Variants in HOXD11 observed in about 807,000 individuals in gnomAD.
HOXD11 encodes homeobox D11, also known as homeobox protein Hox-D11.
A neutral mutation model predicts 23.1 loss-of-function variants in HOXD11; 16 were observed. The observed-to-expected ratio is 0.69, with a 90% CI of 0.47 to 1.05. HOXD11 has a LOEUF of 1.05. Among genes scored for constraint, HOXD11 ranks in the 50% least tolerant of loss-of-function variants. The pLI is 0.00. For synonymous variants in HOXD11, 262 were observed against 224.4 expected, an observed-to-expected ratio of 1.17 and a Z score of -1.50; for missense variants, 564 against 495.6, an observed-to-expected ratio of 1.14 and a Z score of -1.31.
Position 176,108,075 on chromosome 2 carries a change from C to A in HOXD11, c.720C>A (p.Gly240=). 6.8e-7 allele frequency: 1 copy of A among 1,463,646 alleles called. No homozygotes were observed. Among genetic ancestry groups the A allele is most frequent in the Non-Finnish European group, 9.0e-7 (1 of 1,112,876 alleles). 90.7% of individuals were successfully genotyped at this position (1,463,646 alleles called of 1,614,324 possible). ...CGGAGCCCAAGGGGGCAGCAGAAGGCAGCGGTGGCGACGGCGAGGGCCCCC... is the reference window on the plus strand; with the variant it reads ...CGGAGCCCAAGGGGGCAGCAGAAGGAAGCGGTGGCGACGGCGAGGGCCCCC... ...PGSEPKGAAE[G]SGGDGEGPPG... Residue 240 remains glycine, a synonymous_variant, in exon 1 of 2, where the codon GGC becomes GGA. Coordinates refer to ENST00000249504, the MANE Select transcript of HOXD11 (RefSeq NM_021192.3).
chr2:176,113,321 A>C (rs886547239), downstream of HOXD11, among the ~76,000 whole-genome samples: 2 of 152,224 alleles, frequency 1.3e-5, no homozygotes, highest in Non-Finnish European at 2.9e-5. Context: ...AAGAGTGCAG[A>C]TGCAAGCCAC....
Position 176,109,445 on chromosome 2 carries a change from G to A in HOXD11, c.*303G>A, listed in dbSNP as rs1689645386. On this transcript the variant is annotated 3_prime_UTR_variant, in exon 2 of 2. Coordinates refer to ENST00000249504, the MANE Select transcript of HOXD11 (RefSeq NM_021192.3). ...TCCGAGTCCTCGTGGGGACACGGCGGGGTCTGTAGGAAGTTGGGCCGGGTT... is the reference window on the plus strand; with the variant it reads ...TCCGAGTCCTCGTGGGGACACGGCGAGGTCTGTAGGAAGTTGGGCCGGGTT... The A allele has an allele frequency of 3.1e-5, 11 of 353,872 alleles. No individual in the cohort carries two copies. The highest frequency in any genetic ancestry group is 5.7e-5 in the Non-Finnish European group (11 of 193,336). The allele number at this position is 353,872 out of a possible 1,614,324, so 21.9% of individuals were successfully genotyped here.
intron 1 of HOXD11, chr2:176,108,677 GT>G: frequency 3.5e-6 from 2 of 568,470 alleles, no homozygotes; most frequent in Non-Finnish European, 3.1e-6. Flanking sequence ...GTGTGTGTGT[GT>G]GTGTGTGTGT....
downstream of HOXD11, among the ~76,000 whole-genome samples, chr2:176,114,689 TG>T (rs529938931): frequency 3.9e-4 from 60 of 152,184 alleles, no homozygotes; most frequent in Admixed American, 2.6e-3. Flanking sequence ...GAAAGGTTTT[TG>T]TAAAGGAGCG....
At chr2:176,111,777 G>A (rs1266559363), downstream of HOXD11, among the ~76,000 whole-genome samples, 2 of 133,538 alleles carry the variant, frequency 1.5e-5, no homozygotes, top group African/African-American at 5.9e-5. Context: ...AGTGTGGAGA[G>A]CCTTGTCTAG....
In HOXD11 at chr2:176,109,418, T is replaced by C; in HGVS notation, c.*276T>C. On this transcript the variant is annotated 3_prime_UTR_variant, in exon 2 of 2. Coordinates refer to ENST00000249504, the MANE Select transcript of HOXD11 (RefSeq NM_021192.3). ...AGTGTGCTGTCGTTCCCCCTCCCCCTCTCCGAGTCCTCGTGGGGACACGGC... is the reference window on the plus strand; with the variant it reads ...AGTGTGCTGTCGTTCCCCCTCCCCCCCTCCGAGTCCTCGTGGGGACACGGC... 1 of 385,354 alleles carries C rather than the reference T, an allele frequency of 2.6e-6. No individual in the cohort carries two copies. Among genetic ancestry groups the C allele is most frequent in the Non-Finnish European group, 4.7e-6 (1 of 211,654 alleles). The allele number at this position is 385,354 out of a possible 1,614,324, so 23.9% of individuals were successfully genotyped here.
downstream of HOXD11, among the ~76,000 whole-genome samples, chr2:176,111,826 C>CAAAAAAAAAAAAAA (rs1176283938): frequency 0.012 from 268 of 22,750 alleles, 57 homozygotes; most frequent in African/African-American, 0.023. Flanking sequence ...CTCCCCCCCG[C>CAAAAAAAAAAAAAA]AAAAAAAAAA....
the HOXD11 span, among the ~76,000 whole-genome samples, chr2:176,115,430 A>G: frequency 6.6e-6 from 1 of 152,276 alleles, no homozygotes; most frequent in South Asian, 2.1e-4. Context: ...AATCAATAGT[A>G]TAATTTTCAA....
chr2:176,108,733 TCCTGTGC>T, intron 1 of HOXD11, 167 bp from the exon 2 acceptor site: 1 of 600,404 alleles, frequency 1.7e-6, no homozygotes, highest in Non-Finnish European at 2.9e-6. Flanking sequence ...CCGCACTCTC[TCCTGTGC>T]CCGCCCATAT....
downstream of HOXD11, among the ~76,000 whole-genome samples, chr2:176,112,176 T>C (rs2105390666): frequency 6.6e-6 from 1 of 152,288 alleles, no homozygotes; most frequent in South Asian, 2.1e-4. Flanking sequence ...CAAACGGGCT[T>C]TGCGTTTGAC....
chr2:176,110,308 A>G (rs937939659), downstream of HOXD11, among the ~76,000 whole-genome samples: 1 of 152,250 alleles, frequency 6.6e-6, no homozygotes, highest in Non-Finnish European at 1.5e-5. Context: ...CTGTCTAGAC[A>G]ACACCATAAA....
downstream of HOXD11, among the ~76,000 whole-genome samples, chr2:176,112,964 A>G (rs979956071): frequency 2.6e-5 from 4 of 152,202 alleles, no homozygotes; most frequent in Non-Finnish European, 4.4e-5. Flanking sequence ...TAAGGCGCCA[A>G]GGTCTCAGAC....
Position 176,107,957 on chromosome 2 carries a change from C to A in HOXD11, c.602C>A (p.Pro201Gln), listed in dbSNP as rs948744469. 85 of 1,391,598 alleles carry A rather than the reference C, an allele frequency of 6.1e-5. No individual in the cohort carries two copies. Among genetic ancestry groups the A allele is most frequent in the Middle Eastern group, 2.6e-4 (1 of 3,892 alleles). The allele number at this position is 1,391,598 out of a possible 1,614,324, so 86.2% of individuals were successfully genotyped here. The change falls in exon 1 of 2, where the codon CCG (proline) becomes CAG (glutamine). Residue 201 changes from proline to glutamine, a missense_variant. Pro to Gln is a moderately conservative substitution (Grantham distance 76, BLOSUM62 -1). Transcript: ENST00000249504. Reference protein sequence around the residue: ...AGPQPPPPPAPPQPEGAADKG... With the variant: ...AGPQPPPPPAQPQPEGAADKG... ...CCGCAGCCCCCGCCGCCACCCGCGC[C>A]GCCACAGCCCGAGGGCGCAGCCGAC...
Position 176,108,926 on chromosome 2 carries a change from GA to G in HOXD11, c.806del (p.Lys269SerfsTer23). ...TTGCAGTTGCCCCCCAGCGGTCCCGGAAAAAGCGCTGTCCCTATACCAAGTA... is the reference window on the plus strand; with the variant it reads ...TTGCAGTTGCCCCCCAGCGGTCCCGGAAAAGCGCTGTCCCTATACCAAGTA... ...SSAVAPQRSRKKRCPYTKYQI... is the reference protein window; with the variant it reads ...SSAVAPQRSRXKRCPYTKYQI... On this transcript the variant is annotated frameshift_variant, in exon 2 of 2. Coordinates refer to ENST00000249504, the MANE Select transcript of HOXD11 (RefSeq NM_021192.3). LOFTEE classifies it high-confidence loss of function. 1 of 1,613,866 alleles carries G rather than the reference GA, an allele frequency of 6.2e-7. No individual in the cohort carries two copies. Among genetic ancestry groups the G allele is most frequent in the Non-Finnish European group, 8.5e-7 (1 of 1,179,816 alleles).
At chr2:176,111,971 G>T (rs1284500747), downstream of HOXD11, among the ~76,000 whole-genome samples, 2 of 152,226 alleles carry the variant, frequency 1.3e-5, no homozygotes, top group Non-Finnish European at 2.9e-5. Context: ...ACGCATGGGG[G>T]ACTGGGAGAA....
downstream of HOXD11, among the ~76,000 whole-genome samples, chr2:176,112,577 G>A (rs1559115815): frequency 6.6e-6 from 1 of 152,242 alleles, no homozygotes; most frequent in Non-Finnish European, 1.5e-5. Context: ...CCAACGAGTG[G>A]CGTGGGTGTT....
intron 1 of HOXD11, 37 bp downstream of exon 1, chr2:176,108,173 G>A (rs970128988): frequency 6.2e-6 from 7 of 1,125,420 alleles, no homozygotes; most frequent in Non-Finnish European, 6.9e-6. Context: ...TGGGCCCGGG[G>A]GCCGCGGGGG....
At chr2:176,113,918 T>C (rs1689710909), downstream of HOXD11, among the ~76,000 whole-genome samples, 2 of 152,256 alleles carry the variant, frequency 1.3e-5, no homozygotes, top group Non-Finnish European at 2.9e-5. Context: ...CTGCCTATTC[T>C]GGCTCACTGC....
At position 176,107,463 on chromosome 2, in the gene HOXD11, C is replaced by T. The variant is rs1689593690; in HGVS notation, c.108C>T (p.Ser36=). 2 of 1,613,890 alleles carry T rather than the reference C, an allele frequency of 1.2e-6. No individual in the cohort carries two copies. The highest frequency in any genetic ancestry group is 1.7e-6 in the Non-Finnish European group (2 of 1,179,948). ...SDFASKPSFL[S]QPSSCQMTFP... ...TCGCTAGCAAGCCTTCGTTCCTTTC[C>T]CAACCGTCGTCCTGCCAGATGACTT... is the stretch of plus-strand genomic sequence containing the variant. Residue 36 remains serine, a synonymous_variant, in exon 1 of 2, where the codon TCC becomes TCT. Coordinates refer to ENST00000249504, the MANE Select transcript of HOXD11 (RefSeq NM_021192.3).
Sources: gnomAD v4.1 joint callset for allele counts (sites outside exome capture counted in the v4.1 genomes callset) on GRCh38, gnomAD v4.1.1 for gene constraint, MANE v1.5 for transcripts, NCBI Gene and HGNC (gene_info 2026-07-23, HGNC 2026-07-21) for gene names.